Variants in SUGCT observed in about 807,000 individuals in gnomAD.
SUGCT encodes the protein succinyl-CoA:glutarate-CoA transferase, also known as succinyl-CoA:glutarate CoA-transferase.
A neutral mutation model predicts 55.0 loss-of-function variants in SUGCT; 41 were observed. The observed-to-expected ratio is 0.74, with a 90% confidence interval of 0.58 to 0.97. SUGCT has a LOEUF of 0.97. Among genes scored for constraint, SUGCT ranks in the 50% least tolerant of loss-of-function variants. The pLI, the probability that SUGCT is intolerant of heterozygous loss-of-function variation, is 0.00. For missense variants in SUGCT, 568 were observed against 547.8 expected (o/e 1.04, Z -0.37); for synonymous variants, 187 against 200.4 (o/e 0.93, Z 0.56).
At chr7:40,780,732 C>T (rs1789696052) in intron 13 of SUGCT, among the ~76,000 whole-genome samples, 1 of 150,316 alleles carries the variant, frequency 6.7e-6, no homozygotes, top group South Asian at 2.1e-4. Context: ...ACTTGGAGTT[C>T]CTAGTGTGGG....
At chr7:40,417,911 CTTTA>C (rs1787098911) in intron 9 of SUGCT, among the ~76,000 whole-genome samples, 1 of 151,068 alleles carries the variant, frequency 6.6e-6, no homozygotes, top group Admixed American at 6.6e-5. Flanking sequence ...TGTTATTTTG[CTTTA>C]TTTAACATTA....
intron 12 of SUGCT, among the ~76,000 whole-genome samples, chr7:40,586,987 A>C (rs773466549): frequency 2.0e-5 from 3 of 152,248 alleles, no homozygotes; most frequent in Non-Finnish European, 4.4e-5. Flanking sequence ...GATATATGTA[A>C]CAACATGGAT....
At chr7:40,285,697 G>T (rs1275746121) in intron 8 of SUGCT, among the ~76,000 whole-genome samples, 3 of 152,126 alleles carry the variant, frequency 2.0e-5, no homozygotes, top group Non-Finnish European at 4.4e-5. Context: ...GTGGCGAGGT[G>T]TAATTCTAGG....
At chr7:40,336,487 G>C (rs1313227497) in intron 9 of SUGCT, among the ~76,000 whole-genome samples, 1 of 152,144 alleles carries the variant, frequency 6.6e-6, no homozygotes. Context: ...GAGGGTGTAT[G>C]TGTCCAGGAA....
At chr7:40,521,722 GAC>G (rs1473887830) in intron 12 of SUGCT, among the ~76,000 whole-genome samples, 2 of 152,116 alleles carry the variant, frequency 1.3e-5, no homozygotes, top group African/African-American at 4.8e-5. Context: ...ATTCAAATGA[GAC>G]AGTGTCTGAA....
At chr7:40,340,990 T>C (rs946356413) in intron 9 of SUGCT, among the ~76,000 whole-genome samples, 3 of 152,198 alleles carry the variant, frequency 2.0e-5, no homozygotes, top group Admixed American at 6.5e-5. Context: ...ATTGGCCTGA[T>C]GGATATAAGT....
intron 8 of SUGCT, among the ~76,000 whole-genome samples, chr7:40,295,073 T>A (rs1425207110): frequency 6.6e-6 from 1 of 152,210 alleles, no homozygotes; most frequent in East Asian, 1.9e-4. Context: ...AGACAAAGTC[T>A]TATCTTTCAG....
At chr7:40,283,849 A>T (rs190336740) in intron 8 of SUGCT, among the ~76,000 whole-genome samples, 8 of 152,332 alleles carry the variant, frequency 5.3e-5, no homozygotes, top group African/African-American at 1.4e-4. Context: ...GGAAATCAGT[A>T]TGTTGAATAA....
At chr7:40,155,029 G>A (rs1209576477) in intron 1 of SUGCT, among the ~76,000 whole-genome samples, 2 of 152,198 alleles carry the variant, frequency 1.3e-5, no homozygotes, top group Non-Finnish European at 2.9e-5. Flanking sequence ...GCTCACGCCT[G>A]TAATCCCATA....
chr7:40,319,433 GT>G (rs1436298605), intron 9 of SUGCT, among the ~76,000 whole-genome samples: 11 of 152,124 alleles, frequency 7.2e-5, no homozygotes. Flanking sequence ...TTAGTTTTCT[GT>G]AATAATTACA....
At chr7:40,280,607 A>C (rs1409267179) in intron 8 of SUGCT, among the ~76,000 whole-genome samples, 1 of 152,236 alleles carries the variant, frequency 6.6e-6, no homozygotes, top group Admixed American at 6.5e-5. Flanking sequence ...TATTACATGA[A>C]CATATTCAAG....
At chr7:40,477,726 T>C (rs965899693) in intron 11 of SUGCT, among the ~76,000 whole-genome samples, 1 of 152,166 alleles carries the variant, frequency 6.6e-6, no homozygotes, top group African/African-American at 2.4e-5. Context: ...TAAGTTTAAA[T>C]TAAATTCAGT....
the SUGCT span, among the ~76,000 whole-genome samples, chr7:40,931,391 G>A: frequency 6.6e-6 from 1 of 151,916 alleles, no homozygotes; most frequent in African/African-American, 2.4e-5. Context: ...CTCTTTTTTT[G>A]TTGTATCTCT....
chr7:40,888,730 C>T, the SUGCT span, among the ~76,000 whole-genome samples: 2 of 152,166 alleles, frequency 1.3e-5, no homozygotes, highest in Non-Finnish European at 2.9e-5. Flanking sequence ...TGGCAGACCA[C>T]AGATAGGTAC....
At chr7:40,209,304 G>C (rs903112849) in intron 6 of SUGCT, among the ~76,000 whole-genome samples, 2 of 150,304 alleles carry the variant, frequency 1.3e-5, no homozygotes, top group South Asian at 4.2e-4. Flanking sequence ...TCAGGAATTA[G>C]AGATCAGCCT....
chr7:40,497,452 A>G (rs1156777224), intron 12 of SUGCT, among the ~76,000 whole-genome samples: 2 of 152,212 alleles, frequency 1.3e-5, no homozygotes, highest in African/African-American at 2.4e-5. Flanking sequence ...AAGATTGTGA[A>G]TATCTCAAGG....
chr7:40,592,157 A>G (rs761751771), intron 12 of SUGCT, among the ~76,000 whole-genome samples: 2 of 152,216 alleles, frequency 1.3e-5, no homozygotes, highest in Non-Finnish European at 1.5e-5. Context: ...ATATGAGTTG[A>G]AATGTTGGCT....
At chr7:40,897,765 C>G in the SUGCT span, among the ~76,000 whole-genome samples, 2 of 152,110 alleles carry the variant, frequency 1.3e-5, no homozygotes, top group Non-Finnish European at 2.9e-5. Context: ...TTGTGTCTAG[C>G]TAAAGGATTG....
chr7:40,888,830 C>T, the SUGCT span, among the ~76,000 whole-genome samples: 5 of 152,106 alleles, frequency 3.3e-5, no homozygotes, highest in Admixed American at 6.6e-5. Context: ...CACCTACTCC[C>T]GAGTATGCAT....
Sources: allele counts gnomAD v4.1 joint callset (sites outside exome capture counted in the v4.1 genomes callset), GRCh38; gene constraint gnomAD v4.1.1; transcripts MANE v1.5; gene names NCBI Gene and HGNC (gene_info 2026-07-23, HGNC 2026-07-21).